TMEM132D: variants seen among roughly 807,000 people sequenced by gnomAD.
TMEM132D encodes the protein mature OL transmembrane protein.
In TMEM132D, 21 loss-of-function variants were observed where a neutral mutation model predicts 62.3. The observed-to-expected ratio is 0.34, with a 90% confidence interval of 0.24 to 0.49. The LOEUF (loss-of-function observed/expected upper bound fraction) is 0.49. Among genes scored for constraint, TMEM132D ranks in the 20% least tolerant of loss-of-function variants. The probability of loss-of-function intolerance (pLI) is 0.99; values close to 1 mark genes in which losing one functional copy is unlikely to be tolerated. For synonymous variants in TMEM132D, 621 were observed against 575.6 expected, an observed-to-expected ratio of 1.08 and a Z score of -1.13; for missense variants, 1,346 against 1,402.8, an observed-to-expected ratio of 0.96 and a Z score of 0.65.
chr12:129,315,367 G>C (rs9943816), intron 4 of TMEM132D, among the ~76,000 whole-genome samples: 1 of 151,966 alleles, frequency 6.6e-6, no homozygotes, highest in African/African-American at 2.4e-5. Context: ...ATGCTGAATT[G>C]TGTTGAATAC....
At chr12:129,685,971 A>G (rs1880905599) in intron 2 of TMEM132D, among the ~76,000 whole-genome samples, 1 of 152,194 alleles carries the variant, frequency 6.6e-6, no homozygotes, top group Non-Finnish European at 1.5e-5. Flanking sequence ...GAACAGGTGT[A>G]TTTATCCAAT....
chr12:129,871,708 T>G (rs1874248522), intron 1 of TMEM132D, among the ~76,000 whole-genome samples: 1 of 152,180 alleles, frequency 6.6e-6, no homozygotes, highest in African/African-American at 2.4e-5. Flanking sequence ...GCTGCTGAAC[T>G]CTCGGTAGTT....
At chr12:129,850,214 A>G (rs1270043279) in intron 1 of TMEM132D, among the ~76,000 whole-genome samples, 1 of 152,152 alleles carries the variant, frequency 6.6e-6, no homozygotes, top group Non-Finnish European at 1.5e-5. Context: ...CAAAGCTCCA[A>G]TCTGGAAGGA....
intron 2 of TMEM132D, among the ~76,000 whole-genome samples, chr12:129,694,506 G>A (rs999054996): frequency 6.6e-6 from 1 of 152,170 alleles, no homozygotes; most frequent in Non-Finnish European, 1.5e-5. Flanking sequence ...TAGCTTAATA[G>A]GCAGACAAGA....
intron 3 of TMEM132D, 77 bp from the exon 4 acceptor site, chr12:129,337,894 C>A (rs2135658629): frequency 6.8e-7 from 1 of 1,468,296 alleles, no homozygotes; most frequent in Non-Finnish European, 9.1e-7. Context: ...GTGGGCGGCC[C>A]TTGGCCATTT....
intron 3 of TMEM132D, among the ~76,000 whole-genome samples, chr12:129,420,315 T>TG (rs1872272324): frequency 1.7e-5 from 1 of 58,134 alleles, no homozygotes; most frequent in South Asian, 3.6e-4. Flanking sequence ...TGTTTTTTTT[T>TG]TTTTTTTTTT....
At chr12:129,878,449 T>C (rs1874497878) in intron 1 of TMEM132D, among the ~76,000 whole-genome samples, 1 of 152,202 alleles carries the variant, frequency 6.6e-6, no homozygotes, top group Admixed American at 6.5e-5. Context: ...CAAGGCTCCA[T>C]GTCGCTGGTT....
chr12:129,339,943 A>G (rs1376441849), intron 3 of TMEM132D, among the ~76,000 whole-genome samples: 2 of 152,140 alleles, frequency 1.3e-5, no homozygotes, highest in African/African-American at 2.4e-5. Context: ...TTGACCTCAA[A>G]TAAAAACCAA....
intron 3 of TMEM132D, among the ~76,000 whole-genome samples, chr12:129,407,382 T>A (rs1325776476): frequency 1.3e-5 from 2 of 152,166 alleles, no homozygotes; most frequent in Non-Finnish European, 1.5e-5. Flanking sequence ...TGGGAAGTGA[T>A]CCTATCCTCT....
chr12:129,123,333 AT>A (rs906137609), intron 5 of TMEM132D, among the ~76,000 whole-genome samples: 3 of 151,294 alleles, frequency 2.0e-5, no homozygotes, highest in African/African-American at 4.9e-5. Flanking sequence ...TTAGTTGTTG[AT>A]TTTTTTTTCA....
At chr12:129,605,604 T>TATATATATATATACACACACAC (rs150550863) in intron 2 of TMEM132D, among the ~76,000 whole-genome samples, 6 of 106,208 alleles carry the variant, frequency 5.6e-5, no homozygotes, top group Non-Finnish European at 7.7e-5. Context: ...TATATATATA[T>TATATATATATATACACACACAC]ACACACACAT....
intron 8 of TMEM132D, among the ~76,000 whole-genome samples, chr12:129,077,507 C>A (rs1874302105): frequency 6.6e-6 from 1 of 152,188 alleles, no homozygotes; most frequent in Admixed American, 6.5e-5. Context: ...CTATAACAGT[C>A]CCCTTTGTAA....
At chr12:129,844,878 T>C (rs2137347696) in intron 1 of TMEM132D, among the ~76,000 whole-genome samples, 1 of 152,270 alleles carries the variant, frequency 6.6e-6, no homozygotes, top group African/African-American at 2.4e-5. Flanking sequence ...GCACCATCCA[T>C]TTGAAGGAAG....
At chr12:129,562,543 G>A (rs1877264563) in intron 2 of TMEM132D, among the ~76,000 whole-genome samples, 1 of 152,190 alleles carries the variant, frequency 6.6e-6, no homozygotes, top group East Asian at 1.9e-4. Context: ...TACTCTTACA[G>A]AAGGAAGACC....
chr12:129,537,417 T>G (rs895036849), intron 2 of TMEM132D, among the ~76,000 whole-genome samples: 1 of 152,106 alleles, frequency 6.6e-6, no homozygotes, highest in Non-Finnish European at 1.5e-5. Flanking sequence ...CTAGACCCTT[T>G]AATTCCCAAG....
chr12:129,221,371 G>A (rs1282888242), intron 4 of TMEM132D, among the ~76,000 whole-genome samples: 2 of 152,166 alleles, frequency 1.3e-5, no homozygotes, highest in Admixed American at 6.5e-5. Flanking sequence ...TGTGATTTGG[G>A]AGCAAGTTTT....
intron 1 of TMEM132D, among the ~76,000 whole-genome samples, chr12:129,883,580 G>A (rs1282317387): frequency 6.6e-6 from 1 of 152,148 alleles, no homozygotes; most frequent in Non-Finnish European, 1.5e-5. Flanking sequence ...AAAAGATTTA[G>A]AATAGACAAA....
At chr12:129,512,973 T>G (rs1354223445) in intron 3 of TMEM132D, among the ~76,000 whole-genome samples, 1 of 152,194 alleles carries the variant, frequency 6.6e-6, no homozygotes, top group Non-Finnish European at 1.5e-5. Flanking sequence ...AAGGCAGGAG[T>G]GTCGAAGAAT....
chr12:129,445,942 TC>T (rs1409439122), intron 3 of TMEM132D, among the ~76,000 whole-genome samples: 2 of 152,060 alleles, frequency 1.3e-5, no homozygotes, highest in East Asian at 1.9e-4. Context: ...CCTCAGCGTA[TC>T]CCCGGGGAGG....
Sources: gnomAD v4.1 joint callset for allele counts (sites outside exome capture counted in the v4.1 genomes callset) on GRCh38, gnomAD v4.1.1 for gene constraint, MANE v1.5 for transcripts, NCBI Gene and HGNC (gene_info 2026-07-23, HGNC 2026-07-21) for gene names.